The following SGIP1 variants were observed in gnomAD, a reference collection of about 807,000 sequenced individuals.
SGIP1 encodes SH3GL interacting endocytic adaptor 1.
In SGIP1, 38 loss-of-function variants were observed where a neutral mutation model predicts 107.5. That is an observed-to-expected ratio of 0.35 (90% CI 0.27 to 0.46). The LOEUF is 0.46. SGIP1 is among the 20% of genes least tolerant of loss of function. SGIP1 has a pLI of 1.00. For missense variants in SGIP1, 929 were observed against 1,019.5 expected, an observed-to-expected ratio of 0.91 and a Z score of 1.21; for synonymous variants, 365 against 366.1, an observed-to-expected ratio of 1.00 and a Z score of 0.03.
intron 1 of SGIP1, among the ~76,000 whole-genome samples, chr1:66,535,157 A>G (rs2053301140): frequency 6.6e-6 from 1 of 152,206 alleles, no homozygotes; most frequent in Non-Finnish European, 1.5e-5. Context: ...ATTCTGCTAA[A>G]TTACCCTTCC....
At chr1:66,671,203 A>G (rs1280034224) in intron 10 of SGIP1, among the ~76,000 whole-genome samples, 184 bp downstream of exon 10, 1 of 152,202 alleles carries the variant, frequency 6.6e-6, no homozygotes, top group Non-Finnish European at 1.5e-5. Flanking sequence ...GTTCTGAGTG[A>G]TTAATGTTTA....
Position 66,684,049 on chromosome 1 carries a change from A to G in SGIP1, c.1315+1680A>G, listed in dbSNP as rs1052047503. 7.6e-5 allele frequency: 118 copies of G among 1,545,580 alleles called. No homozygotes were observed. The African/African-American group carries it at 1.1e-3, about 14-fold the overall frequency. The stretch of plus-strand genomic sequence containing the variant: ...CTTTTTGGCCCTAAATGCTTTTTGT[A>G]CATTATTTCATACAACACCACCCTG... On this transcript the variant is annotated intron_variant, in intron 15 of 24. Transcript: ENST00000371037.
In SGIP1 at chr1:66,639,811, C is replaced by T. The variant is rs200265343; in HGVS notation, c.206C>T (p.Ala69Val). ...AATGGGGCACCAAATGGATTTTATG[C>T]GGAAATTGATTGGGAAAGATATGTG... Reference protein sequence around the residue: ...KSNGAPNGFYAEIDWERYNSP... With the variant: ...KSNGAPNGFYVEIDWERYNSP... Residue 69 changes from alanine to valine, a missense_variant, in exon 5 of 25, where the codon GCG (alanine) becomes GTG (valine). Ala to Val is a moderately conservative substitution (Grantham distance 64, BLOSUM62 0). This residue lies in a region of SGIP1 where 588 missense variants were observed against 588.6 expected (regional missense o/e 1.00). Coordinates refer to ENST00000371037, the MANE Select transcript of SGIP1 (RefSeq NM_032291.4). The T allele has an allele frequency of 8.9e-5, 143 of 1,610,694 alleles. No individual in the cohort carries two copies. The highest frequency in any genetic ancestry group is 1.1e-4 in the Non-Finnish European group (124 of 1,178,084).
At chr1:66,563,361 A>G (rs556421212) in intron 1 of SGIP1, among the ~76,000 whole-genome samples, 1 of 152,116 alleles carries the variant, frequency 6.6e-6, no homozygotes, top group East Asian at 1.9e-4. Flanking sequence ...TTGCAGCAAG[A>G]AGAAACTTTC....
chr1:66,699,737 A>G (rs1038706746), intron 18 of SGIP1, among the ~76,000 whole-genome samples: 1 of 152,212 alleles, frequency 6.6e-6, no homozygotes, highest in African/African-American at 2.4e-5. Flanking sequence ...CAAAACAGAA[A>G]AAATACCTGT....
chr1:66,621,584 G>A (rs539194662), intron 1 of SGIP1, among the ~76,000 whole-genome samples: 28 of 152,194 alleles, frequency 1.8e-4, no homozygotes, highest in South Asian at 8.3e-4. Context: ...ATCTGTATTC[G>A]TTAAGCAGCC....
chr1:66,534,024 T>G, upstream of SGIP1: 1 of 410,396 alleles, frequency 2.4e-6, no homozygotes, highest in East Asian at 4.6e-5. Context: ...CTGTGTGCTC[T>G]CCGGGGGTAT....
intron 17 of SGIP1, among the ~76,000 whole-genome samples, chr1:66,693,899 T>C (rs17129341): frequency 0.012 from 1,867 of 152,358 alleles, 40 homozygotes; most frequent in African/African-American, 0.043. Flanking sequence ...AATTTGGATA[T>C]TGATGAGGCT....
intron 18 of SGIP1, 49 bp from the exon 19 acceptor site, chr1:66,719,245 A>G: frequency 7.9e-7 from 1 of 1,268,096 alleles, no homozygotes; most frequent in Admixed American, 2.0e-5. Context: ...CACATATACT[A>G]AAGTGTCTCC....
intron 21 of SGIP1, among the ~76,000 whole-genome samples, chr1:66,737,162 G>T (rs1033887986): frequency 1.3e-5 from 2 of 152,070 alleles, no homozygotes; most frequent in African/African-American, 4.8e-5. Context: ...GTTAAATTTC[G>T]AGGCAGAAGT....
intron 3 of SGIP1, among the ~76,000 whole-genome samples, chr1:66,633,877 T>A (rs943806660): frequency 4.6e-5 from 7 of 152,098 alleles, no homozygotes; most frequent in Non-Finnish European, 8.8e-5. Flanking sequence ...GGTTAAAAAA[T>A]TTTTTAAATC....
intron 1 of SGIP1, among the ~76,000 whole-genome samples, chr1:66,561,187 C>T (rs988554083): frequency 6.6e-6 from 1 of 152,046 alleles, no homozygotes; most frequent in Non-Finnish European, 1.5e-5. Flanking sequence ...TATAATTTTT[C>T]TCCTTTTACA....
chr1:66,750,746 A>G lies in SGIP1; in HGVS notation c.*7651A>G, dbSNP rs527532497. The stretch of plus-strand genomic sequence containing the variant: ...CTTTACTGCTTCTATGCTGTGCTCA[A>G]GAGAAAACCAACAACGGAAGCGAAG... On this transcript the variant is annotated 3_prime_UTR_variant, in exon 25 of 25. Coordinates refer to ENST00000371037, the MANE Select transcript of SGIP1 (RefSeq NM_032291.4). Among the ~76,000 whole-genome samples the G allele has an allele frequency of 6.8e-6, 1 of 147,852 alleles. No homozygotes were observed. The highest frequency in any genetic ancestry group is 2.5e-5 in the African/African-American group (1 of 39,966).
chr1:66,653,078 G>T (rs1285118249), intron 7 of SGIP1, among the ~76,000 whole-genome samples: 1 of 152,160 alleles, frequency 6.6e-6, no homozygotes, highest in Non-Finnish European at 1.5e-5. Flanking sequence ...TTAGAAGCCA[G>T]CCCCCTCTAG....
Position 66,743,195 on chromosome 1 carries a change from C to A in SGIP1, c.*100C>A. 2 of 1,208,860 alleles carry A rather than the reference C, an allele frequency of 1.7e-6. No individual in the cohort carries two copies. The highest frequency in any genetic ancestry group is 2.4e-6 in the Non-Finnish European group (2 of 830,356). The allele number at this position is 1,208,860 out of a possible 1,614,324, so 74.9% of individuals were successfully genotyped here. On this transcript the variant is annotated 3_prime_UTR_variant, in exon 25 of 25. Transcript: ENST00000371037. Reference sequence around the variant, plus strand: ...TTTGATGAAAACAAACCAATATCTGCACTTGGGATATATCAGGTGGAAAGT... The same window carrying A: ...TTTGATGAAAACAAACCAATATCTGAACTTGGGATATATCAGGTGGAAAGT...
chr1:66,545,006 A>T (rs888763125), intron 1 of SGIP1, among the ~76,000 whole-genome samples: 20 of 152,216 alleles, frequency 1.3e-4, no homozygotes, highest in African/African-American at 4.8e-4. Flanking sequence ...GTCCTACATC[A>T]GTAGGTCCTT....
chr1:66,719,186 C>T, intron 18 of SGIP1, 108 bp from the exon 19 acceptor site: 2 of 647,424 alleles, frequency 3.1e-6, no homozygotes, highest in Non-Finnish European at 5.3e-6. Flanking sequence ...TTTTGTTTTA[C>T]ATTAAGGGGT....
rs147524460 is a variant in SGIP1, at chr1:66,654,355, T to C, written c.460-6158T>C. Among the ~76,000 whole-genome samples the C allele has an allele frequency of 1.4e-3, 213 of 152,306 alleles. 1 individual carries two copies. The highest frequency in any genetic ancestry group is 2.5e-3 in the Non-Finnish European group (167 of 68,018). On this transcript the variant is annotated intron_variant, in intron 7 of 24. Coordinates refer to ENST00000371037, the MANE Select transcript of SGIP1 (RefSeq NM_032291.4). ...AAGTTTGTTAATGTGTTCTTTTCTG[T>C]GGGTCCTAGTGCACATCCAGTGAGA...
chr1:66,656,993 C>G (rs904863801), intron 7 of SGIP1, among the ~76,000 whole-genome samples: 4 of 151,602 alleles, frequency 2.6e-5, no homozygotes, highest in African/African-American at 7.3e-5. Flanking sequence ...CATAGCGAGA[C>G]CCCGTCTTTA....
Sources: allele counts gnomAD v4.1 joint callset (sites outside exome capture counted in the v4.1 genomes callset), GRCh38; gene constraint gnomAD v4.1.1; regional missense constraint gnomAD v4.1.1; transcripts MANE v1.5; gene names NCBI Gene and HGNC (gene_info 2026-07-23, HGNC 2026-07-21).